EVI5: variants seen among roughly 807,000 people sequenced by gnomAD.
The protein encoded by EVI5 is ecotropic viral integration site 5 protein homolog.
In EVI5, 73 loss-of-function variants were observed where a neutral mutation model predicts 112.0. The observed-to-expected ratio is 0.65, with a 90% CI of 0.54 to 0.79. EVI5 has a LOEUF of 0.79. EVI5 is among the 30% of genes least tolerant of loss of function. The probability of loss-of-function intolerance (pLI) is 0.00; values close to 1 mark genes in which losing one functional copy is unlikely to be tolerated. For synonymous variants in EVI5, 305 were observed against 319.9 expected, an observed-to-expected ratio of 0.95 and a Z score of 0.50; for missense variants, 900 against 968.8, an observed-to-expected ratio of 0.93 and a Z score of 0.94.
intron 14 of EVI5, among the ~76,000 whole-genome samples, chr1:92,630,408 C>T (rs1387571166): frequency 6.6e-6 from 1 of 152,188 alleles, no homozygotes; most frequent in African/African-American, 2.4e-5. Flanking sequence ...TTGCATTTCT[C>T]TGATGGCCAG....
rs1269960054 is a variant in EVI5, at chr1:92,624,758, C to CAGG, written c.1669-427_1669-425dup. ...GAAAAGAGAGACCTGAGAAGAAAGA[C>CAGG]AGGCAATTTTAGAATTCACTGCCTA... is the stretch of plus-strand genomic sequence containing the variant. On this transcript the variant is annotated intron_variant, in intron 15 of 19. Transcript: ENST00000684568. Among the ~76,000 whole-genome samples the CAGG allele has an allele frequency of 1.6e-5, 2 of 124,996 alleles. 1 individual carries two copies. The highest frequency in any genetic ancestry group is 6.0e-5 in the African/African-American group (2 of 33,126). 82.0% of individuals were successfully genotyped at this position (124,996 alleles called of 152,430 possible).
intron 1 of EVI5, among the ~76,000 whole-genome samples, chr1:92,765,707 G>A (rs1682521506): frequency 6.6e-6 from 1 of 152,018 alleles, no homozygotes; most frequent in Admixed American, 6.6e-5. Flanking sequence ...TCATAGAGAA[G>A]GAATTATTAT....
chr1:92,573,812 A>G (rs1670647172), intron 18 of EVI5, among the ~76,000 whole-genome samples: 1 of 152,092 alleles, frequency 6.6e-6, no homozygotes, highest in African/African-American at 2.4e-5. Flanking sequence ...ACATATGATG[A>G]TGAACTAAAT....
rs1659265865 is a variant in EVI5, at chr1:92,512,797, C to T, written c.*859G>A. 1 of 151,174 alleles carries T rather than the reference C, an allele frequency of 6.6e-6. No individual in the cohort carries two copies. The highest frequency in any genetic ancestry group is 1.5e-5 in the Non-Finnish European group (1 of 67,850). The allele number at this position is 151,174 out of a possible 1,614,324, so 9.4% of individuals were successfully genotyped here. A position where few individuals can be genotyped will look rare whatever the true frequency, so the allele number is the denominator to read the frequency against. ...TTGTGTGTGGGGACTTTCAGTGGCC[C>T]ACCAATAATTTTCATGAAAAAATAA... On this transcript the variant is annotated 3_prime_UTR_variant, in exon 20 of 20. Transcript: ENST00000684568.
chr1:92,696,866 A>G (rs1301619227), intron 6 of EVI5, among the ~76,000 whole-genome samples: 2 of 151,852 alleles, frequency 1.3e-5, no homozygotes, highest in Non-Finnish European at 2.9e-5. Flanking sequence ...GTGAAACCCC[A>G]TCTCTACTAA....
At chr1:92,721,407 C>G (rs921835535) in intron 2 of EVI5, among the ~76,000 whole-genome samples, 1 of 152,170 alleles carries the variant, frequency 6.6e-6, no homozygotes, top group Admixed American at 6.6e-5. Context: ...AACCATCATT[C>G]TGAGCAAACT....
At chr1:92,720,354 G>C (rs1570577593) in intron 2 of EVI5, among the ~76,000 whole-genome samples, 1 of 151,748 alleles carries the variant, frequency 6.6e-6, no homozygotes, top group East Asian at 1.9e-4. Flanking sequence ...CAGAACAGAG[G>C]CCTCAGAAAT....
At chr1:92,693,399 TA>T (rs1474900336) in intron 9 of EVI5, among the ~76,000 whole-genome samples, 1 of 151,984 alleles carries the variant, frequency 6.6e-6, no homozygotes, top group Non-Finnish European at 1.5e-5. Context: ...AATAAATAAA[TA>T]AAATTTTAAG....
At chr1:92,629,160 T>G (rs915496742) in intron 14 of EVI5, among the ~76,000 whole-genome samples, 1 of 152,246 alleles carries the variant, frequency 6.6e-6, no homozygotes, top group African/African-American at 2.4e-5. Flanking sequence ...AGCCATTTCT[T>G]TCAGCATTCT....
chr1:92,779,191 A>G (rs555488140), intron 1 of EVI5, among the ~76,000 whole-genome samples: 1 of 152,116 alleles, frequency 6.6e-6, no homozygotes, highest in Non-Finnish European at 1.5e-5. Flanking sequence ...ACTATACCAA[A>G]TAGGAAAAAA....
intron 1 of EVI5, among the ~76,000 whole-genome samples, chr1:92,770,823 GT>G (rs1159350874): frequency 6.6e-6 from 1 of 151,560 alleles, no homozygotes; most frequent in Non-Finnish European, 1.5e-5. Flanking sequence ...AAAAGTCTGG[GT>G]TTTTTTGTTT....
intron 16 of EVI5, among the ~76,000 whole-genome samples, chr1:92,612,777 G>A (rs908190038): frequency 6.7e-6 from 1 of 150,144 alleles, no homozygotes; most frequent in Admixed American, 6.6e-5. Flanking sequence ...GAGCCTTCCA[G>A]GAGAGATGCA....
chr1:92,590,785 A>G (rs1222213605), intron 18 of EVI5, among the ~76,000 whole-genome samples: 3 of 152,296 alleles, frequency 2.0e-5, no homozygotes, highest in East Asian at 3.9e-4. Flanking sequence ...ACTCCTCGAG[A>G]AGAGCAACTC....
intron 18 of EVI5, among the ~76,000 whole-genome samples, chr1:92,570,875 C>T (rs998612858): frequency 5.9e-5 from 9 of 152,034 alleles, no homozygotes; most frequent in African/African-American, 2.2e-4. Context: ...TGATGAAAAA[C>T]AGTGAAGCTA....
chr1:92,595,188 G>A (rs554461828), intron 18 of EVI5, among the ~76,000 whole-genome samples: 1,526 of 151,840 alleles, frequency 0.01, 31 homozygotes, highest in African/African-American at 0.034. Context: ...ATGATAGACT[G>A]GATTAAGAAA....
intron 19 of EVI5, among the ~76,000 whole-genome samples, chr1:92,519,037 C>CT (rs936433053): frequency 2.6e-4 from 39 of 152,002 alleles, no homozygotes; most frequent in Admixed American, 5.9e-4. Flanking sequence ...CCTACAAGGC[C>CT]TTTTTTTGTT....
intron 19 of EVI5, among the ~76,000 whole-genome samples, chr1:92,519,224 G>C (rs1660455794): frequency 6.6e-6 from 1 of 152,196 alleles, no homozygotes; most frequent in Admixed American, 6.5e-5. Flanking sequence ...AGGAAGTCCA[G>C]TACAAAAGTA....
intron 2 of EVI5, among the ~76,000 whole-genome samples, chr1:92,730,826 T>C (rs1676347358): frequency 6.6e-6 from 1 of 152,110 alleles, no homozygotes; most frequent in African/African-American, 2.4e-5. Context: ...TTCAAATTTA[T>C]ACAGGAGGTT....
chr1:92,709,986 A>G (rs1672594202), intron 2 of EVI5, among the ~76,000 whole-genome samples: 1 of 148,494 alleles, frequency 6.7e-6, no homozygotes, highest in Non-Finnish European at 1.5e-5. Flanking sequence ...CATTACTCAT[A>G]GGTCTGTGGG....
Sources: allele counts gnomAD v4.1 joint callset (sites outside exome capture counted in the v4.1 genomes callset), GRCh38; gene constraint gnomAD v4.1.1; transcripts MANE v1.5; gene names NCBI Gene and HGNC (gene_info 2026-07-23, HGNC 2026-07-21).